TRERF1: variants seen among roughly 807,000 people sequenced by gnomAD.
The protein encoded by TRERF1 is transcriptional-regulating factor 1.
Under a neutral mutation model 122.9 loss-of-function variants are expected in TRERF1, and 27 were observed. The observed-to-expected ratio is 0.22, with a 90% CI of 0.16 to 0.30. TRERF1 has a LOEUF of 0.30. Among genes scored for constraint, TRERF1 ranks in the 10% least tolerant of loss-of-function variants. The pLI, the probability that TRERF1 is intolerant of heterozygous loss-of-function variation, is 1.00. For missense variants in TRERF1, 1,248 were observed against 1,560.3 expected, an observed-to-expected ratio of 0.80 and a Z score of 3.37; for synonymous variants, 636 against 641.7, an observed-to-expected ratio of 0.99 and a Z score of 0.13.
At chr6:42,367,048 C>A (rs1338378915) in intron 2 of TRERF1, among the ~76,000 whole-genome samples, 1 of 152,194 alleles carries the variant, frequency 6.6e-6, no homozygotes, top group Non-Finnish European at 1.5e-5. Context: ...TGGAGTCAGG[C>A]CTGCGATCAA....
Position 42,393,717 on chromosome 6 carries a change from A to G in TRERF1, c.-453-30638T>C, listed in dbSNP as rs1261437414. On this transcript the variant is annotated intron_variant, in intron 2 of 17. Transcript: ENST00000372922. This position sits in a 1 kb window ranked among gnomAD's most constrained non-coding sequence, Gnocchi z 4.1. Reference sequence around the variant, plus strand: ...CAATTTAGATGACTAAATATAGGGGAGCTGGTTAAATAAGTTATAGAACTT... The same window carrying G: ...CAATTTAGATGACTAAATATAGGGGGGCTGGTTAAATAAGTTATAGAACTT... Among the ~76,000 whole-genome samples, 1 of 152,220 alleles carries G rather than the reference A, an allele frequency of 6.6e-6. No homozygotes were observed. The highest frequency in any genetic ancestry group is 2.4e-5 in the African/African-American group (1 of 41,450).
intron 2 of TRERF1, among the ~76,000 whole-genome samples, chr6:42,435,544 CCTT>C (rs974251660): frequency 3.3e-5 from 5 of 151,876 alleles, no homozygotes; most frequent in South Asian, 2.1e-4. Flanking sequence ...GAGTAATACT[CCTT>C]CTTAGGAATT....
chr6:42,410,311 AT>A (rs971207732), intron 2 of TRERF1, among the ~76,000 whole-genome samples: 8 of 149,532 alleles, frequency 5.4e-5, no homozygotes, highest in Admixed American at 1.3e-4. Context: ...TGCCTGGCTA[AT>A]TTTTTTTTTA....
chr6:42,260,663 G>T lies in TRERF1; in HGVS notation c.1885-940C>A, dbSNP rs547464066. ...GAGGGAAGGTTCTGGGCAGTCTGGG[G>T]TGCCCTCTCAGGCCCTGCAGGCCAG... On this transcript the variant is annotated intron_variant, in intron 8 of 17. Coordinates refer to ENST00000372922, the Ensembl canonical transcript of TRERF1. Among the ~76,000 whole-genome samples the T allele has an allele frequency of 5.3e-5, 8 of 152,268 alleles. No individual in the cohort carries two copies. In the East Asian group the frequency reaches 7.8e-4, roughly 15 times the overall value.
chr6:42,296,816 G>A (rs4711712), intron 4 of TRERF1, among the ~76,000 whole-genome samples: 22,648 of 152,168 alleles, frequency 0.15, 1,891 homozygotes, highest in African/African-American at 0.23. Flanking sequence ...AGAAGCCCAC[G>A]GGATCTGGCT....
intron 3 of TRERF1, among the ~76,000 whole-genome samples, chr6:42,319,022 G>A (rs1762957101): frequency 6.6e-6 from 1 of 152,222 alleles, no homozygotes; most frequent in African/African-American, 2.4e-5. Flanking sequence ...GGCCAAGGTG[G>A]TTAAGAAGCA....
intron 3 of TRERF1, among the ~76,000 whole-genome samples, chr6:42,350,093 G>C (rs999623499): frequency 5.9e-5 from 9 of 151,920 alleles, no homozygotes; most frequent in African/African-American, 2.2e-4. Context: ...TCATTTGGGA[G>C]ACCAAAGGGA....
chr6:42,392,212 C>T (rs1486036746), intron 2 of TRERF1, among the ~76,000 whole-genome samples: 1 of 152,168 alleles, frequency 6.6e-6, no homozygotes, highest in Non-Finnish European at 1.5e-5. Flanking sequence ...GGGTGTGATG[C>T]CTGCTAAATG....
At chr6:42,235,603 G>A (rs1451825130) in intron 16 of TRERF1, among the ~76,000 whole-genome samples, 1 of 152,094 alleles carries the variant, frequency 6.6e-6, no homozygotes, top group Non-Finnish European at 1.5e-5. Context: ...CTTTCAGCCT[G>A]TTTATATGAT....
intron 8 of TRERF1, among the ~76,000 whole-genome samples, chr6:42,260,160 G>T (rs1323131075): frequency 6.6e-6 from 1 of 152,168 alleles, no homozygotes; most frequent in East Asian, 1.9e-4. Flanking sequence ...AGCTGGGACC[G>T]AGACCTGTGA....
At chr6:42,403,068 C>CA (rs1487962116) in intron 2 of TRERF1, among the ~76,000 whole-genome samples, 3 of 151,674 alleles carry the variant, frequency 2.0e-5, no homozygotes, top group Non-Finnish European at 4.4e-5. Flanking sequence ...TATTGGGGTG[C>CA]AAAAAAGAAA....
intron 2 of TRERF1, among the ~76,000 whole-genome samples, chr6:42,448,673 G>A (rs1480394208): frequency 6.6e-6 from 1 of 152,166 alleles, no homozygotes; most frequent in East Asian, 1.9e-4. Flanking sequence ...GCACTTTTAA[G>A]ATAAAAAATC....
intron 3 of TRERF1, among the ~76,000 whole-genome samples, chr6:42,356,924 C>G (rs1031190237): frequency 1.3e-5 from 2 of 152,090 alleles, no homozygotes; most frequent in Non-Finnish European, 2.9e-5. Context: ...GTTATGGCAG[C>G]CTGAGCTAAG....
At chr6:42,284,332 T>C (rs1371582304) in intron 4 of TRERF1, among the ~76,000 whole-genome samples, 1 of 151,830 alleles carries the variant, frequency 6.6e-6, no homozygotes, top group East Asian at 1.9e-4. Flanking sequence ...TCCCAAAGTG[T>C]TGGGATCACA....
chr6:42,328,004 C>CTTTTTTTTT (rs36069546), intron 3 of TRERF1, among the ~76,000 whole-genome samples: 5 of 108,000 alleles, frequency 4.6e-5, no homozygotes, highest in African/African-American at 1.4e-4. Flanking sequence ...TTCTTTCTTT[C>CTTTTTTTTT]TTTTTTTTTT....
At chr6:42,272,281 G>A (rs956409647) in intron 4 of TRERF1, among the ~76,000 whole-genome samples, 1 of 152,178 alleles carries the variant, frequency 6.6e-6, no homozygotes, top group African/African-American at 2.4e-5. Flanking sequence ...TCTGAACTAT[G>A]AGAGAAAGAG....
At chr6:42,353,462 C>T (rs1259536148) in intron 3 of TRERF1, among the ~76,000 whole-genome samples, 1 of 151,914 alleles carries the variant, frequency 6.6e-6, no homozygotes, top group Non-Finnish European at 1.5e-5. Context: ...GTGGCGGGTG[C>T]CTACAATCCC....
chr6:42,354,386 C>CT lies in TRERF1; in HGVS notation c.-371+8610dup, dbSNP rs11339393. Reference sequence around the variant, plus strand: ...AGTCTTTCCCCAGTCTGTTGTTTCCCTTTTTTTTTTTCACATAAACGCTTC... The same window carrying CT: ...AGTCTTTCCCCAGTCTGTTGTTTCCCTTTTTTTTTTTTCACATAAACGCTTC... On this transcript the variant is annotated intron_variant, in intron 3 of 17. Transcript: ENST00000372922. 0.02 allele frequency among the ~76,000 whole-genome samples: 2,865 copies of CT among 145,338 alleles called. 169 individuals carry two copies. The East Asian group carries it at 0.23, about 11-fold the overall frequency.
intron 4 of TRERF1, among the ~76,000 whole-genome samples, chr6:42,288,857 G>A (rs1215344674): frequency 2.6e-5 from 4 of 152,036 alleles, no homozygotes; most frequent in African/African-American, 7.2e-5. Context: ...CTGGACAGGG[G>A]GCAAGGGCAA....
Sources: allele counts gnomAD v4.1 joint callset (sites outside exome capture counted in the v4.1 genomes callset), GRCh38; gene constraint gnomAD v4.1.1; non-coding constraint Gnocchi (gnomAD v3.1); transcripts MANE v1.5; gene names NCBI Gene and HGNC (gene_info 2026-07-23, HGNC 2026-07-21).